The following MARCHF1 variants were observed in gnomAD, a reference collection of about 807,000 sequenced individuals.
MARCHF1 encodes E3 ubiquitin-protein ligase MARCHF1.
MARCHF1 carries 40 observed loss-of-function variants against 54.2 expected under a neutral mutation model. The observed-to-expected ratio is 0.74, with a 90% CI of 0.57 to 0.96. The LOEUF (loss-of-function observed/expected upper bound fraction) is 0.96. Among genes scored for constraint, MARCHF1 ranks in the 40% least tolerant of loss-of-function variants. The pLI is 0.00. For missense variants in MARCHF1, 586 were observed against 656.5 expected, an observed-to-expected ratio of 0.89 and a Z score of 1.17; for synonymous variants, 236 against 236.3, an observed-to-expected ratio of 1.00 and a Z score of 0.01.
At chr4:163,997,489 T>G (rs1380770021) in intron 2 of MARCHF1, among the ~76,000 whole-genome samples, 1 of 151,994 alleles carries the variant, frequency 6.6e-6, no homozygotes, top group East Asian at 1.9e-4. Context: ...AATGTTCAAG[T>G]GGGAGATATA....
intron 3 of MARCHF1, among the ~76,000 whole-genome samples, chr4:163,962,523 G>C (rs1419989005): frequency 6.6e-6 from 1 of 151,848 alleles, no homozygotes; most frequent in Non-Finnish European, 1.5e-5. Context: ...CTATGATTAT[G>C]ACCTAAATTT....
At chr4:164,212,080 A>G (rs1054218287) in intron 1 of MARCHF1, among the ~76,000 whole-genome samples, 4 of 152,126 alleles carry the variant, frequency 2.6e-5, no homozygotes, top group African/African-American at 9.7e-5. Flanking sequence ...GATGATGATG[A>G]TGATGATAAA....
At chr4:163,622,764 CCAGAATTTGGAAGGAACTGAA>C (rs1340913605) in intron 5 of MARCHF1, among the ~76,000 whole-genome samples, 1 of 152,068 alleles carries the variant, frequency 6.6e-6, no homozygotes, top group Non-Finnish European at 1.5e-5. Flanking sequence ...TTTTGGCACA[CCAGAATTTGGAAGGAACTGAA>C]CATCTTCTCA....
At chr4:163,562,717 A>G (rs192033739) in intron 8 of MARCHF1, among the ~76,000 whole-genome samples, 21 of 152,202 alleles carry the variant, frequency 1.4e-4, no homozygotes, top group African/African-American at 4.6e-4. Context: ...TTTACCACTC[A>G]TCTGGTTGGC....
chr4:164,307,624 A>G (rs2111413852), intron 1 of MARCHF1, among the ~76,000 whole-genome samples: 1 of 152,222 alleles, frequency 6.6e-6, no homozygotes, highest in Middle Eastern at 3.4e-3. Flanking sequence ...AGAGATCCCA[A>G]TTACAAATAA....
chr4:164,243,773 C>T (rs2111220255), intron 1 of MARCHF1, among the ~76,000 whole-genome samples: 1 of 152,128 alleles, frequency 6.6e-6, no homozygotes, highest in African/African-American at 2.4e-5. Flanking sequence ...ATCCACCAAG[C>T]CAATGGAAAA....
chr4:163,942,214 A>G (rs1370900286), intron 3 of MARCHF1, among the ~76,000 whole-genome samples: 1 of 152,208 alleles, frequency 6.6e-6, no homozygotes, highest in Non-Finnish European at 1.5e-5. Context: ...AAAAGTGACC[A>G]ACTCCACCGT....
At chr4:164,185,744 A>T (rs1730951210) in intron 1 of MARCHF1, among the ~76,000 whole-genome samples, 1 of 152,158 alleles carries the variant, frequency 6.6e-6, no homozygotes, top group Non-Finnish European at 1.5e-5. Context: ...CAGAAAAAGT[A>T]AACACTAAAA....
intron 4 of MARCHF1, among the ~76,000 whole-genome samples, chr4:163,756,696 T>C (rs1168027802): frequency 6.6e-6 from 1 of 150,868 alleles, no homozygotes; most frequent in Non-Finnish European, 1.5e-5. Flanking sequence ...AAAACAATAT[T>C]TGGGACTCTA....
intron 1 of MARCHF1, among the ~76,000 whole-genome samples, chr4:164,326,957 TTGTG>T (rs370504086): frequency 0.028 from 3,680 of 133,674 alleles, 62 homozygotes; most frequent in African/African-American, 0.054. Context: ...GTTGTAAGGA[TTGTG>T]TGTGTGTGTG....
intron 3 of MARCHF1, among the ~76,000 whole-genome samples, chr4:163,913,711 T>G (rs1217850351): frequency 6.6e-6 from 1 of 152,186 alleles, no homozygotes; most frequent in African/African-American, 2.4e-5. Context: ...ATCAAACACA[T>G]GAAGCTGGCA....
intron 4 of MARCHF1, among the ~76,000 whole-genome samples, chr4:163,847,863 G>A (rs1199517691): frequency 2.0e-5 from 3 of 152,144 alleles, no homozygotes; most frequent in Non-Finnish European, 4.4e-5. Flanking sequence ...TTACAGGCAT[G>A]AGCCACTGCA....
intron 1 of MARCHF1, among the ~76,000 whole-genome samples, chr4:164,261,735 GC>G (rs1266741819): frequency 6.6e-6 from 1 of 151,984 alleles, no homozygotes; most frequent in East Asian, 1.9e-4. Flanking sequence ...AAGCTTCCTG[GC>G]CATCAAGCCT....
chr4:164,090,876 G>C (rs1755283124), intron 2 of MARCHF1, among the ~76,000 whole-genome samples: 1 of 152,140 alleles, frequency 6.6e-6, no homozygotes, highest in Non-Finnish European at 1.5e-5. Context: ...TAAAACACCA[G>C]AACTAAGGGC....
intron 1 of MARCHF1, among the ~76,000 whole-genome samples, chr4:164,236,225 G>A (rs1021542223): frequency 1.3e-5 from 2 of 152,168 alleles, no homozygotes; most frequent in East Asian, 1.9e-4. Flanking sequence ...GCTTCTAAGG[G>A]AAATACTGGG....
intron 8 of MARCHF1, among the ~76,000 whole-genome samples, chr4:163,576,999 T>A (rs1428309072): frequency 2.6e-5 from 4 of 152,110 alleles, no homozygotes; most frequent in Admixed American, 2.6e-4. Context: ...GAGTGTGTTT[T>A]CTTTTTTCCT....
intron 1 of MARCHF1, among the ~76,000 whole-genome samples, chr4:164,231,855 C>T (rs924215942): frequency 2.0e-5 from 3 of 152,030 alleles, no homozygotes; most frequent in Admixed American, 6.6e-5. Context: ...AAATCTATAA[C>T]CATTTCTACT....
intron 5 of MARCHF1, among the ~76,000 whole-genome samples, chr4:163,650,583 C>A (rs2111068620): frequency 6.6e-6 from 1 of 151,954 alleles, no homozygotes; most frequent in East Asian, 1.9e-4. Context: ...TATGTTAGTT[C>A]TCTTCTTTCT....
intron 1 of MARCHF1, among the ~76,000 whole-genome samples, chr4:164,372,096 T>G (rs1243255161): frequency 6.6e-6 from 1 of 152,230 alleles, no homozygotes; most frequent in Non-Finnish European, 1.5e-5. Flanking sequence ...ATTTAAAAAA[T>G]GAAATTATAT....
Sources: gnomAD v4.1 joint callset for allele counts (sites outside exome capture counted in the v4.1 genomes callset) on GRCh38, gnomAD v4.1.1 for gene constraint, MANE v1.5 for transcripts, NCBI Gene and HGNC (gene_info 2026-07-23, HGNC 2026-07-21) for gene names.